Variants in CEP128 observed in about 807,000 individuals in gnomAD.
The protein encoded by CEP128 is centrosomal protein 128, also known as centrosomal protein 128kDa.
A neutral mutation model predicts 156.7 loss-of-function variants in CEP128; 132 were observed. The ratio of observed to expected loss-of-function variants is 0.84; its 90% CI spans 0.73 to 0.97. The LOEUF is 0.97. CEP128 is among the 50% of genes least tolerant of loss of function. CEP128 has a pLI of 0.00. For synonymous variants in CEP128, 469 were observed against 448.9 expected, an observed-to-expected ratio of 1.04 and a Z score of -0.57; for missense variants, 1,252 against 1,281.9, an observed-to-expected ratio of 0.98 and a Z score of 0.36.
intron 8 of CEP128, among the ~76,000 whole-genome samples, chr14:80,865,741 G>A (rs1019189715): frequency 6.6e-6 from 1 of 152,078 alleles, no homozygotes; most frequent in Non-Finnish European, 1.5e-5. Flanking sequence ...TTCTAATAAA[G>A]CAGGCTGCCA....
At chr14:80,673,631 G>A (rs1364623001) in intron 19 of CEP128, among the ~76,000 whole-genome samples, 1 of 98,378 alleles carries the variant, frequency 1.0e-5, no homozygotes, top group African/African-American at 4.3e-5. Context: ...GGGCGACAGA[G>A]CGAGACTCCG....
At position 80,842,897 on chromosome 14, in the gene CEP128, T is replaced by C. The variant is rs184952082; in HGVS notation, c.763-2129A>G. On this transcript the variant is annotated intron_variant, in intron 9 of 24. Coordinates refer to ENST00000555265, the MANE Select transcript of CEP128 (RefSeq NM_152446.5). ...ACGTTGAAGATCACAGCAACAACAA[T>C]GAGCCTTAATAGAGGGTCCCCGGGG... Among the ~76,000 whole-genome samples, 875 of 152,104 alleles carry C rather than the reference T, an allele frequency of 5.8e-3. 6 individuals are homozygous for C. The highest frequency in any genetic ancestry group is 8.8e-3 in the Non-Finnish European group (598 of 67,908).
In CEP128 at chr14:80,678,089, C is replaced by T. The variant is rs1896164169; in HGVS notation, c.2806+64986G>A. ...GTATATATATATATGCTCAAGGAAA[C>T]ATGACACAGTAGCTGAAGTTAGGAA... On this transcript the variant is annotated intron_variant, in intron 19 of 24. Coordinates refer to ENST00000555265, the MANE Select transcript of CEP128 (RefSeq NM_152446.5). 2.5e-5 allele frequency among the ~76,000 whole-genome samples: 3 copies of T among 120,656 alleles called. No homozygotes were observed. The South Asian group carries it at 7.2e-4, about 29-fold the overall frequency. The allele number at this position is 120,656 out of a possible 152,430, so 79.2% of individuals were successfully genotyped here.
chr14:80,649,253 C>T (rs759943064), intron 19 of CEP128, among the ~76,000 whole-genome samples: 41 of 151,958 alleles, frequency 2.7e-4, no homozygotes, highest in Non-Finnish European at 3.7e-4. Context: ...TCGTCCTCTT[C>T]CCCACCCCTC....
At chr14:80,631,009 T>C (rs1032572400) in intron 19 of CEP128, among the ~76,000 whole-genome samples, 1 of 152,060 alleles carries the variant, frequency 6.6e-6, no homozygotes, top group Admixed American at 6.6e-5. Flanking sequence ...TATCTTTGTA[T>C]TAAGAAACTA....
chr14:80,642,817 G>A (rs781484088), intron 19 of CEP128, among the ~76,000 whole-genome samples: 11 of 151,372 alleles, frequency 7.3e-5, no homozygotes, highest in East Asian at 3.9e-4. Flanking sequence ...ATGCGGCGGC[G>A]CGACCTCAGC....
intron 19 of CEP128, among the ~76,000 whole-genome samples, chr14:80,620,696 G>A (rs1478659031): frequency 6.6e-6 from 1 of 152,132 alleles, no homozygotes; most frequent in Non-Finnish European, 1.5e-5. Flanking sequence ...ACCACTCATT[G>A]AAAGAACCAG....
At chr14:80,530,034 T>C (rs560563160) in intron 22 of CEP128, among the ~76,000 whole-genome samples, 1 of 152,348 alleles carries the variant, frequency 6.6e-6, no homozygotes, top group African/African-American at 2.4e-5. Context: ...AGAACCTAAA[T>C]ATAACATAAG....
chr14:80,827,647 G>A (rs1885552110), intron 13 of CEP128, among the ~76,000 whole-genome samples: 1 of 152,102 alleles, frequency 6.6e-6, no homozygotes, highest in Non-Finnish European at 1.5e-5. Context: ...AAAGGGAGGT[G>A]GGAGGTTGAG....
At chr14:80,927,942 A>G (rs1222945933) in intron 2 of CEP128, among the ~76,000 whole-genome samples, 1 of 152,202 alleles carries the variant, frequency 6.6e-6, no homozygotes, top group African/African-American at 2.4e-5. Context: ...ACCTGCTCAC[A>G]CACCCAGCAC....
chr14:80,813,293 T>G (rs900372722), intron 13 of CEP128, among the ~76,000 whole-genome samples: 2 of 152,206 alleles, frequency 1.3e-5, no homozygotes, highest in Non-Finnish European at 2.9e-5. Flanking sequence ...TTGCCAGGGC[T>G]TACGTACATG....
At chr14:80,485,919 A>T (rs1027390057), downstream of CEP128, among the ~76,000 whole-genome samples, 4 of 152,230 alleles carry the variant, frequency 2.6e-5, no homozygotes, top group Non-Finnish European at 5.9e-5. Flanking sequence ...CATTATCTAC[A>T]TTACCACTTG....
At chr14:80,744,979 A>G (rs1315185715) in intron 18 of CEP128, among the ~76,000 whole-genome samples, 3 of 152,222 alleles carry the variant, frequency 2.0e-5, no homozygotes, top group African/African-American at 7.2e-5. Flanking sequence ...TCGAGAAAAT[A>G]CTAGCAAACG....
chr14:80,622,389 T>C (rs975355519), intron 19 of CEP128, among the ~76,000 whole-genome samples: 3 of 150,880 alleles, frequency 2.0e-5, no homozygotes, highest in Middle Eastern at 3.2e-3. Context: ...ATTCAGGACA[T>C]AGGCATGGGC....
At chr14:80,744,725 G>C (rs78879500) in intron 18 of CEP128, among the ~76,000 whole-genome samples, 5,720 of 152,196 alleles carry the variant, frequency 0.038, 174 homozygotes, top group Non-Finnish European at 0.061. Context: ...TAGCATACTG[G>C]ATGGGCAGAT....
rs372421999 is a variant in CEP128, at chr14:80,952,628, G to C, written c.-172+5550C>G. 5.9e-5 allele frequency among the ~76,000 whole-genome samples: 9 copies of C among 151,722 alleles called. No homozygotes were observed. In the East Asian group the frequency reaches 1.4e-3, roughly 23 times the overall value. ...TAAAGAAGAGCCAATTAAACCCCAA[G>C]TAGGCAGAGTAATAAAATAATAAAG... On this transcript the variant is annotated intron_variant, in intron 2 of 7. Transcript: ENST00000555529.
intron 18 of CEP128, among the ~76,000 whole-genome samples, chr14:80,747,888 CTA>C (rs1899185580): frequency 6.6e-6 from 1 of 152,126 alleles, no homozygotes; most frequent in Non-Finnish European, 1.5e-5. Flanking sequence ...TAGGTGATGG[CTA>C]AGGCGTCCTG....
intron 6 of CEP128, among the ~76,000 whole-genome samples, chr14:80,901,962 G>A (rs149497821): frequency 0.013 from 1,943 of 152,088 alleles, 18 homozygotes; most frequent in Middle Eastern, 0.041. Context: ...CTTTAGCCTC[G>A]TGGGCCTTCT....
chr14:80,921,342 C>T (rs1321220935), intron 2 of CEP128, among the ~76,000 whole-genome samples: 1 of 152,032 alleles, frequency 6.6e-6, no homozygotes, highest in African/African-American at 2.4e-5. Context: ...GGTGGTTTTA[C>T]AAGAAGAAGA....
Sources: gnomAD v4.1 joint callset for allele counts (sites outside exome capture counted in the v4.1 genomes callset) on GRCh38, gnomAD v4.1.1 for gene constraint, MANE v1.5 for transcripts, NCBI Gene and HGNC (gene_info 2026-07-23, HGNC 2026-07-21) for gene names.